Variants in PRKRIP1 observed in about 807,000 individuals in gnomAD.
The protein encoded by PRKRIP1 is PRKR interacting protein 1, also known as PRKR-interacting protein 1.
Under a neutral mutation model 29.3 loss-of-function variants are expected in PRKRIP1, and 29 were observed. The observed-to-expected ratio is 0.99, with a 90% confidence interval of 0.74 to 1.35. PRKRIP1 has a LOEUF of 1.35. Among genes scored for constraint, PRKRIP1 ranks in the 40% most tolerant of loss-of-function variants. The probability of loss-of-function intolerance (pLI) is 0.00; values close to 1 mark genes in which losing one functional copy is unlikely to be tolerated. For synonymous variants in PRKRIP1, 90 were observed against 85.1 expected, an observed-to-expected ratio of 1.06 and a Z score of -0.32; for missense variants, 247 against 236.8, an observed-to-expected ratio of 1.04 and a Z score of -0.28.
intron 5 of PRKRIP1, among the ~76,000 whole-genome samples, chr7:102,420,127 C>G (rs1410582971): frequency 6.6e-6 from 1 of 152,182 alleles, no homozygotes; most frequent in Non-Finnish European, 1.5e-5. Context: ...CTCAAGTGAT[C>G]TGCCCGCCTT....
At chr7:102,404,734 C>T (rs1305972762) in intron 4 of PRKRIP1, 51 bp downstream of exon 4, 3 of 1,414,536 alleles carry the variant, frequency 2.1e-6, no homozygotes, top group African/African-American at 2.8e-5. Flanking sequence ...GGGGTGGTGG[C>T]TGGGTGAGCT....
intron 5 of PRKRIP1, chr7:102,423,449 C>A: frequency 3.7e-6 from 1 of 269,600 alleles, no homozygotes. Flanking sequence ...TAGGCAGAGG[C>A]TGAGAGAGTC....
At chr7:102,422,250 T>C (rs1796715105) in intron 5 of PRKRIP1, among the ~76,000 whole-genome samples, 3 of 150,906 alleles carry the variant, frequency 2.0e-5, no homozygotes, top group African/African-American at 7.3e-5. Flanking sequence ...TCTTGGCTCA[T>C]TGCAACCCCT....
At chr7:102,419,967 G>A (rs1047304248) in intron 5 of PRKRIP1, among the ~76,000 whole-genome samples, 3 of 151,156 alleles carry the variant, frequency 2.0e-5, no homozygotes, top group Admixed American at 1.3e-4. Context: ...TGCAACCTCC[G>A]CCCCCTGGGT....
In PRKRIP1 at chr7:102,400,627, G is replaced by A. The variant is rs1020771538; in HGVS notation, c.306+979G>A. 1.2e-4 allele frequency among the ~76,000 whole-genome samples: 18 copies of A among 152,180 alleles called. 1 individual carries two copies. Among genetic ancestry groups the A allele is most frequent in the Non-Finnish European group, 4.4e-5 (3 of 67,970 alleles). Reference sequence around the variant, plus strand: ...TCGAGATCTGGGCATTTGGTTCTGTGTAGATACTAACTTTATTTATTATTT... The same window carrying A: ...TCGAGATCTGGGCATTTGGTTCTGTATAGATACTAACTTTATTTATTATTT... On this transcript the variant is annotated intron_variant, in intron 3 of 5. Coordinates refer to ENST00000397912, the MANE Select transcript of PRKRIP1 (RefSeq NM_024653.4).
At chr7:102,397,899 T>C (rs1409517025) in intron 2 of PRKRIP1, among the ~76,000 whole-genome samples, 3 of 151,814 alleles carry the variant, frequency 2.0e-5, no homozygotes, top group African/African-American at 7.3e-5. Flanking sequence ...CAAAAAAAAT[T>C]AGCCGGGCGT....
intron 5 of PRKRIP1, among the ~76,000 whole-genome samples, chr7:102,420,784 C>G (rs1285468902): frequency 6.6e-6 from 1 of 152,142 alleles, no homozygotes; most frequent in East Asian, 1.9e-4. Context: ...ACATGACGCT[C>G]CAAGTAGGAA....
chr7:102,425,084 A>G lies in PRKRIP1; in HGVS notation c.528A>G (p.Glu176=), dbSNP rs782115408. The change falls in exon 6 of 6, where the codon GAA becomes GAG. Residue 176 remains glutamate (E), a synonymous_variant. Transcript: ENST00000397912. ...AEASGTEEEE[E]VPSFTMGR ...CATCTGGAACAGAGGAGGAGGAGGA[A>G]GTGCCCAGTTTCACCATGGGGCGAT... 8.7e-6 allele frequency: 14 copies of G among 1,613,178 alleles called. No homozygotes were observed. In the Admixed American group the frequency reaches 2.3e-4, roughly 27 times the overall value.
Position 102,404,452 on chromosome 7 carries a change from A to G in PRKRIP1, c.307-146A>G, listed in dbSNP as rs1186193288. ...TGCCCTGCCTCTGGGACAGCCTTTT[A>G]AAGTTAAAATGGCCCTGGGGACCCG... On this transcript the variant is annotated intron_variant, in intron 3 of 5. Coordinates refer to ENST00000397912, the MANE Select transcript of PRKRIP1 (RefSeq NM_024653.4). 3 of 671,432 alleles carry G rather than the reference A, an allele frequency of 4.5e-6. No individual in the cohort carries two copies. In the African/African-American group the frequency reaches 5.4e-5, roughly 12 times the overall value. 41.6% of individuals were successfully genotyped at this position (671,432 alleles called of 1,614,324 possible).
chr7:102,398,550 G>A (rs1795981034), intron 2 of PRKRIP1, among the ~76,000 whole-genome samples: 1 of 152,160 alleles, frequency 6.6e-6, no homozygotes, highest in Non-Finnish European at 1.5e-5. Flanking sequence ...CTCCCAAAAT[G>A]CTAGGATTAC....
At chr7:102,402,177 T>A (rs2133168657) in intron 3 of PRKRIP1, among the ~76,000 whole-genome samples, 1 of 152,092 alleles carries the variant, frequency 6.6e-6, no homozygotes, top group Admixed American at 6.6e-5. Flanking sequence ...GTGCGGCAGC[T>A]CACATCAGTA....
At chr7:102,416,681 GTGTT>G (rs1796557391) in intron 5 of PRKRIP1, among the ~76,000 whole-genome samples, 2 of 36,640 alleles carry the variant, frequency 5.5e-5, no homozygotes. Context: ...GTTTTGTGGG[GTGTT>G]TTTTTTTTTT....
chr7:102,411,292 C>T (rs1427203818), intron 5 of PRKRIP1, among the ~76,000 whole-genome samples: 2 of 152,104 alleles, frequency 1.3e-5, no homozygotes, highest in African/African-American at 4.8e-5. Flanking sequence ...CTCAAGTGAC[C>T]CTCCCGCCTT....
chr7:102,423,629 G>A (rs1586698921), intron 5 of PRKRIP1, among the ~76,000 whole-genome samples: 2 of 152,116 alleles, frequency 1.3e-5, no homozygotes, highest in African/African-American at 4.8e-5. Context: ...TCTATGTACA[G>A]ACTTAGCACA....
At position 102,419,403 on chromosome 7, in the gene PRKRIP1, G is replaced by C. The variant is rs146215101; in HGVS notation, c.458-5611G>C. ...CAGTCCAGCCTGGGTGACAGAATGA[G>C]ACTCCGTCTAAAAAAAAAATAGCAT... On this transcript the variant is annotated intron_variant, in intron 5 of 5. Coordinates refer to ENST00000397912, the MANE Select transcript of PRKRIP1 (RefSeq NM_024653.4). Among the ~76,000 whole-genome samples the C allele has an allele frequency of 4.3e-3, 648 of 152,116 alleles. 7 individuals carry two copies. The highest frequency in any genetic ancestry group is 0.015 in the African/African-American group (631 of 41,492).
At position 102,425,488 on chromosome 7, in the gene PRKRIP1, T is replaced by A; in HGVS notation, c.*377T>A. On this transcript the variant is annotated 3_prime_UTR_variant, in exon 6 of 6. Transcript: ENST00000397912. ...CATGTGGACCGTGAGTCGCAAACAC[T>A]CTGGAGAAGGCTGAGATGCCACCAT... 5 of 303,898 alleles carry A rather than the reference T, an allele frequency of 1.6e-5. No individual in the cohort carries two copies. The highest frequency in any genetic ancestry group is 1.3e-4 in the South Asian group (5 of 37,480). The allele number at this position is 303,898 out of a possible 1,614,324, so 18.8% of individuals were successfully genotyped here. A position where few individuals can be genotyped will look rare whatever the true frequency, so the allele number is the denominator to read the frequency against.
Position 102,425,811 on chromosome 7 carries a change from T to C in PRKRIP1, c.*700T>C, listed in dbSNP as rs546580522. On this transcript the variant is annotated 3_prime_UTR_variant, in exon 6 of 6. Transcript: ENST00000397912. ...CACCGGAGAGTGAGCAGGCGGAGAC[T>C]CCAAGCTGGGCTGAGCCAGAGCAGA... is the stretch of plus-strand genomic sequence containing the variant. 6.4e-6 allele frequency: 1 copy of C among 156,026 alleles called. No homozygotes were observed. Among genetic ancestry groups the C allele is most frequent in the South Asian group, 1.7e-4 (1 of 5,838 alleles). The allele number at this position is 156,026 out of a possible 1,614,324, so 9.7% of individuals were successfully genotyped here.
At chr7:102,402,767 C>G (rs1216487004) in intron 3 of PRKRIP1, among the ~76,000 whole-genome samples, 2 of 152,168 alleles carry the variant, frequency 1.3e-5, no homozygotes, top group African/African-American at 4.8e-5. Flanking sequence ...CAGTCCCACT[C>G]ACCCCTGCTT....
intron 5 of PRKRIP1, among the ~76,000 whole-genome samples, chr7:102,419,535 A>T (rs1796635915): frequency 6.6e-6 from 1 of 152,182 alleles, no homozygotes; most frequent in East Asian, 1.9e-4. Flanking sequence ...CACTGCCCTA[A>T]AACAATTCCG....
Sources: gnomAD v4.1 joint callset for allele counts (sites outside exome capture counted in the v4.1 genomes callset) on GRCh38, gnomAD v4.1.1 for gene constraint, MANE v1.5 for transcripts, NCBI Gene and HGNC (gene_info 2026-07-23, HGNC 2026-07-21) for gene names.